The following PLEKHM2 variants were observed in gnomAD, a reference collection of about 807,000 sequenced individuals.
PLEKHM2 encodes pleckstrin homology domain-containing family M member 2.
In PLEKHM2, 77 loss-of-function variants were observed where a neutral mutation model predicts 116.3. The ratio of observed to expected loss-of-function variants is 0.66; its 90% CI spans 0.55 to 0.80. PLEKHM2 has a LOEUF of 0.80. Among genes scored for constraint, PLEKHM2 ranks in the 30% least tolerant of loss-of-function variants. The probability of loss-of-function intolerance (pLI) is 0.00; values close to 1 mark genes in which losing one functional copy is unlikely to be tolerated. For synonymous variants in PLEKHM2, 562 were observed against 571.0 expected (o/e 0.98, Z 0.22); for missense variants, 1,183 against 1,354.9 (o/e 0.87, Z 1.99).
In PLEKHM2 at chr1:15,727,001, G is replaced by A. The variant is rs201546424; in HGVS notation, c.942-13G>A. 2.1e-5 allele frequency: 31 copies of A among 1,453,062 alleles called. No individual in the cohort carries two copies. In the Admixed American group the frequency reaches 6.4e-4, roughly 30 times the overall value. 90.0% of individuals were successfully genotyped at this position (1,453,062 alleles called of 1,614,324 possible). On this transcript the variant is annotated splice_polypyrimidine_tract_variant and intron_variant, in intron 8 of 19. Transcript: ENST00000375799. This position sits in a 1 kb window ranked among gnomAD's most constrained non-coding sequence, Gnocchi z 7.5. Reference sequence around the variant, plus strand: ...CTCAGGGGTTAACACTCTCCCCGTCGTTACTGTCCCAGGGTCACCAAGAAG... The same window carrying A: ...CTCAGGGGTTAACACTCTCCCCGTCATTACTGTCCCAGGGTCACCAAGAAG...
intron 7 of PLEKHM2, among the ~76,000 whole-genome samples, chr1:15,724,917 G>T (rs1024583297): frequency 6.6e-6 from 1 of 152,116 alleles, no homozygotes; most frequent in Admixed American, 6.5e-5. Flanking sequence ...TGGCAGGAAG[G>T]CTCTGAGGGT....
At position 15,727,576 on chromosome 1, in the gene PLEKHM2, CAAG is replaced by C. The variant is rs1345388703; in HGVS notation, c.1512_1514del (p.Glu505del). ...TCCTAGTAGCCCTGAGGCTGCTGGC[CAAG>C]AAGAAGAGGGAGGAGGAGGAGAGGG... On this transcript the variant is annotated inframe_deletion, in exon 9 of 20. Coordinates refer to ENST00000375799, the MANE Select transcript of PLEKHM2 (RefSeq NM_015164.4). The surrounding 1 kb of genome is among the most constrained non-coding windows in gnomAD (Gnocchi z 7.5). 7.0e-6 allele frequency: 11 copies of C among 1,576,968 alleles called. No homozygotes were observed. The highest frequency in any genetic ancestry group is 2.3e-5 in the East Asian group (1 of 42,754).
intron 16 of PLEKHM2, 31 bp from the exon 17 acceptor site, chr1:15,731,858 G>C (rs981192710): frequency 6.3e-7 from 1 of 1,593,604 alleles, no homozygotes; most frequent in Non-Finnish European, 8.6e-7. Context: ...TTGCCTCCTC[G>C]CTCCCGTTTC....
At chr1:15,717,306 T>C (rs115038295) in intron 3 of PLEKHM2, among the ~76,000 whole-genome samples, 2 of 152,116 alleles carry the variant, frequency 1.3e-5, no homozygotes, top group African/African-American at 2.4e-5. Context: ...TCCAACACTT[T>C]GGGAGGGTAA....
At chr1:15,705,406 T>A (rs1351617402) in intron 1 of PLEKHM2, among the ~76,000 whole-genome samples, 2 of 151,888 alleles carry the variant, frequency 1.3e-5, no homozygotes, top group Admixed American at 6.6e-5. Context: ...TGTCTCCAAC[T>A]CCTGAGCTCA....
In PLEKHM2 at chr1:15,728,314, G is replaced by A. The variant is rs761638211; in HGVS notation, c.1878G>A (p.Leu626=). ...ACATGGAGGGCAACCTGCAGCTGCT[G>A]TACGTGCTGCTCACAGACTGCTATG... ...TGHMEGNLQL[L]YVLLTDCYVY... is the part of the protein sequence containing the mutation. The change falls in exon 11 of 20, where the codon CTG becomes CTA. Residue 626 remains leucine, a synonymous_variant. Transcript: ENST00000375799. This position sits in a 1 kb window ranked among gnomAD's most constrained non-coding sequence, Gnocchi z 5.9. The A allele has an allele frequency of 1.2e-6, 2 of 1,613,264 alleles. No homozygotes were observed. The highest frequency in any genetic ancestry group is 1.7e-5 in the Admixed American group (1 of 60,026).
chr1:15,711,786 A>G (rs1004418459), intron 1 of PLEKHM2, among the ~76,000 whole-genome samples: 10 of 151,986 alleles, frequency 6.6e-5, no homozygotes, highest in African/African-American at 9.7e-5. Flanking sequence ...AACGGGGGGG[A>G]AAATAATATA....
intron 15 of PLEKHM2, 50 bp from the exon 16 acceptor site, chr1:15,731,142 G>A (rs2068136744): frequency 1.4e-6 from 2 of 1,390,118 alleles, no homozygotes; most frequent in Admixed American, 1.9e-5. Flanking sequence ...GCTCCGCCTG[G>A]CCCCAGTTCC....
intron 1 of PLEKHM2, among the ~76,000 whole-genome samples, chr1:15,685,337 G>T (rs1050627413): frequency 1.3e-5 from 2 of 152,080 alleles, no homozygotes; most frequent in Non-Finnish European, 2.9e-5. Context: ...TGGCATATCC[G>T]CAAAAGGGTC....
At chr1:15,711,981 G>A (rs1307390090) in intron 1 of PLEKHM2, among the ~76,000 whole-genome samples, 5 of 151,946 alleles carry the variant, frequency 3.3e-5, no homozygotes, top group Admixed American at 6.6e-5. Flanking sequence ...AGCCGGGCAC[G>A]GTGGCGCGTG....
At chr1:15,685,896 T>C (rs957728108) in intron 1 of PLEKHM2, among the ~76,000 whole-genome samples, 1 of 152,218 alleles carries the variant, frequency 6.6e-6, no homozygotes, top group Non-Finnish European at 1.5e-5. Flanking sequence ...GGTTTTTGCT[T>C]ACTCAAGGAG....
upstream of PLEKHM2, among the ~76,000 whole-genome samples, chr1:15,682,625 AAAC>A (rs1640669670): frequency 1.4e-5 from 1 of 72,586 alleles, no homozygotes; most frequent in Non-Finnish European, 2.7e-5. Flanking sequence ...TCTCAAAAAC[AAAC>A]AAAACAAAAC....
intron 16 of PLEKHM2, among the ~76,000 whole-genome samples, chr1:15,731,483 A>T (rs1166586354): frequency 6.6e-6 from 1 of 152,052 alleles, no homozygotes; most frequent in Admixed American, 6.5e-5. Context: ...GTCCAGTCTG[A>T]TGGGGGAGGC....
chr1:15,726,176 ACTT>A (rs2068061705), intron 8 of PLEKHM2, among the ~76,000 whole-genome samples: 1 of 152,190 alleles, frequency 6.6e-6, no homozygotes, highest in South Asian at 2.1e-4. Context: ...TTCAGGCTGT[ACTT>A]CTTCCCAAGG....
At chr1:15,683,662 T>G (rs1166437702), upstream of PLEKHM2, among the ~76,000 whole-genome samples, 4 of 75,158 alleles carry the variant, frequency 5.3e-5, no homozygotes, top group South Asian at 4.6e-4. Flanking sequence ...TCGGGGTCTT[T>G]GGGGGTCTCT....
rs567266704 is a variant in PLEKHM2, at chr1:15,727,188, C to T, written c.1116C>T (p.Pro372=). Reference sequence around the variant, plus strand: ...CGCCAGACACTATGCTTGCCTCCCCCCAGGAGGAGGGAGAGGGGCCGAGCA... The same window carrying T: ...CGCCAGACACTATGCTTGCCTCCCCTCAGGAGGAGGGAGAGGGGCCGAGCA... ...RDSPDTMLAS[P]QEEGEGPSST... The change falls in exon 9 of 20, where the codon CCC becomes CCT. Residue 372 remains proline (P), a synonymous_variant. Transcript: ENST00000375799. The surrounding 1 kb of genome is among the most constrained non-coding windows in gnomAD (Gnocchi z 7.5). 9 of 1,606,000 alleles carry T rather than the reference C, an allele frequency of 5.6e-6. No homozygotes were observed. In the East Asian group the frequency reaches 9.0e-5, roughly 16 times the overall value.
Position 15,716,863 on chromosome 1 carries a change from C to T in PLEKHM2, c.277+47C>T, listed in dbSNP as rs530453756. 315 of 1,547,008 alleles carry T rather than the reference C, an allele frequency of 2.0e-4. 3 individuals are homozygous for T. The highest frequency in any genetic ancestry group is 1.9e-3 in the South Asian group (158 of 83,874). ...CTGGGGAAGGGACCAGCTCCACCTT[C>T]GGTGGGTAGCTTGGGGCTCTGTCCC... On this transcript the variant is annotated intron_variant, in intron 3 of 19. Coordinates refer to ENST00000375799, the MANE Select transcript of PLEKHM2 (RefSeq NM_015164.4).
intron 1 of PLEKHM2, among the ~76,000 whole-genome samples, chr1:15,702,879 C>G (rs1641144533): frequency 6.6e-6 from 1 of 151,630 alleles, no homozygotes; most frequent in Admixed American, 6.6e-5. Context: ...CACCACCACG[C>G]CCAGCTAACT....
At chr1:15,696,032 C>G (rs1640989273) in intron 1 of PLEKHM2, among the ~76,000 whole-genome samples, 1 of 147,622 alleles carries the variant, frequency 6.8e-6, no homozygotes, top group Admixed American at 6.8e-5. Context: ...CTAGGCTGCT[C>G]TGAAACTTCT....
Sources: allele counts gnomAD v4.1 joint callset (sites outside exome capture counted in the v4.1 genomes callset), GRCh38; gene constraint gnomAD v4.1.1; non-coding constraint Gnocchi (gnomAD v3.1); transcripts MANE v1.5; gene names NCBI Gene and HGNC (gene_info 2026-07-23, HGNC 2026-07-21).